CAMTA1: variants seen among roughly 807,000 people sequenced by gnomAD.
CAMTA1 encodes calmodulin-binding transcription activator 1.
CAMTA1 carries 27 observed loss-of-function variants against 170.9 expected under a neutral mutation model. The ratio of observed to expected loss-of-function variants is 0.16; its 90% CI spans 0.12 to 0.22. The LOEUF is 0.22. Among genes scored for constraint, CAMTA1 ranks in the 10% least tolerant of loss-of-function variants. The pLI is 1.00. For missense variants in CAMTA1, 1,619 were observed against 2,217.2 expected (o/e 0.73, Z 5.42); for synonymous variants, 833 against 891.5 (o/e 0.93, Z 1.17).
At chr1:7,433,870 T>C (rs1392820554) in intron 5 of CAMTA1, among the ~76,000 whole-genome samples, 4 of 152,042 alleles carry the variant, frequency 2.6e-5, no homozygotes, top group African/African-American at 9.7e-5. Context: ...GGGAGACTCA[T>C]GGGGCCAGGA....
intron 4 of CAMTA1, among the ~76,000 whole-genome samples, chr1:7,128,830 CCTT>C (rs1645080012): frequency 7.8e-6 from 1 of 128,998 alleles, no homozygotes; most frequent in Non-Finnish European, 1.6e-5. Flanking sequence ...AGCTCCCCCT[CCTT>C]TTTTTTTTTT....
At chr1:7,035,434 T>G (rs1703447487) in intron 3 of CAMTA1, among the ~76,000 whole-genome samples, 1 of 152,236 alleles carries the variant, frequency 6.6e-6, no homozygotes, top group Admixed American at 6.5e-5. Flanking sequence ...ATTGCTTCAT[T>G]AAGGAATTCT....
chr1:7,529,308 T>C (rs2094464797), intron 6 of CAMTA1, among the ~76,000 whole-genome samples: 1 of 151,932 alleles, frequency 6.6e-6, no homozygotes, highest in Non-Finnish European at 1.5e-5. Context: ...CTGCATGGCA[T>C]GGGCTGGGTC....
chr1:7,369,159 G>A (rs1156488129), intron 5 of CAMTA1: 1 of 152,266 alleles, frequency 6.6e-6, no homozygotes, highest in Non-Finnish European at 1.5e-5. Flanking sequence ...AGGGGGCCCA[G>A]GAGCAGAGGG....
intron 6 of CAMTA1, among the ~76,000 whole-genome samples, chr1:7,514,135 G>C (rs192416787): frequency 6.6e-6 from 1 of 152,216 alleles, no homozygotes; most frequent in African/African-American, 2.4e-5. Context: ...CAACATCCAA[G>C]GAAGAAGGAC....
intron 11 of CAMTA1, among the ~76,000 whole-genome samples, chr1:7,717,544 G>A (rs928391753): frequency 3.9e-5 from 6 of 152,086 alleles, no homozygotes; most frequent in South Asian, 2.1e-4. Flanking sequence ...CCAGGAGTTT[G>A]AGATTAGCCT....
At chr1:6,978,102 G>C (rs1388211880) in intron 3 of CAMTA1, among the ~76,000 whole-genome samples, 1 of 152,060 alleles carries the variant, frequency 6.6e-6, no homozygotes, top group African/African-American at 2.4e-5. Flanking sequence ...GCTGGAGATT[G>C]GCTAATGGGT....
At chr1:7,683,570 G>C (rs1283846778) in intron 11 of CAMTA1, among the ~76,000 whole-genome samples, 2 of 152,084 alleles carry the variant, frequency 1.3e-5, no homozygotes, top group East Asian at 3.9e-4. Context: ...CATCCACCTG[G>C]AGTGGGGACT....
chr1:7,206,922 GC>G (rs1657842619), intron 4 of CAMTA1, among the ~76,000 whole-genome samples: 2 of 152,234 alleles, frequency 1.3e-5, no homozygotes, highest in African/African-American at 4.8e-5. Context: ...TCCATGGATT[GC>G]ACACCCCACC....
intron 11 of CAMTA1, among the ~76,000 whole-genome samples, chr1:7,728,340 G>C: frequency 6.6e-6 from 1 of 152,276 alleles, no homozygotes; most frequent in East Asian, 1.9e-4. Flanking sequence ...GCACACTGCA[G>C]CACAAAGCCA....
At chr1:7,199,718 G>A (rs1392132052) in intron 4 of CAMTA1, among the ~76,000 whole-genome samples, 1 of 146,458 alleles carries the variant, frequency 6.8e-6, no homozygotes, top group African/African-American at 2.5e-5. Flanking sequence ...GTGCAGTCCT[G>A]CAGTTGGTGG....
At chr1:7,628,461 A>G (rs571216270) in intron 6 of CAMTA1, among the ~76,000 whole-genome samples, 6 of 152,346 alleles carry the variant, frequency 3.9e-5, no homozygotes, top group Non-Finnish European at 5.9e-5. Flanking sequence ...CAAAAGAGCT[A>G]GTGCACCAGA....
intron 3 of CAMTA1, among the ~76,000 whole-genome samples, chr1:7,035,328 A>G (rs12046887): frequency 0.14 from 20,570 of 152,054 alleles, 1,543 homozygotes; most frequent in East Asian, 0.24. Flanking sequence ...TGAACCTGGA[A>G]GGCAGAGGTT....
At chr1:7,587,750 C>T (rs1225215125) in intron 6 of CAMTA1, among the ~76,000 whole-genome samples, 2 of 152,056 alleles carry the variant, frequency 1.3e-5, no homozygotes, top group African/African-American at 4.8e-5. Context: ...AGGAACCTCT[C>T]CTCCTGCAAC....
chr1:7,206,769 A>G (rs187655169), intron 4 of CAMTA1, among the ~76,000 whole-genome samples: 23 of 152,356 alleles, frequency 1.5e-4, no homozygotes, highest in African/African-American at 5.5e-4. Flanking sequence ...CATTTTTACC[A>G]ACATTAGCTA....
At chr1:6,888,123 T>C in intron 3 of CAMTA1, 1 of 984,780 alleles carries the variant, frequency 1.0e-6, no homozygotes. Context: ...AGCAGGGCCT[T>C]TGTCTTGTCC....
chr1:6,875,517 C>T (rs758042014), intron 3 of CAMTA1, among the ~76,000 whole-genome samples: 4 of 152,076 alleles, frequency 2.6e-5, no homozygotes, highest in Non-Finnish European at 5.9e-5. Context: ...ACTTTCCTGA[C>T]CTCGTGATTT....
At chr1:7,181,981 A>C (rs1197082314) in intron 4 of CAMTA1, among the ~76,000 whole-genome samples, 1 of 151,936 alleles carries the variant, frequency 6.6e-6, no homozygotes, top group African/African-American at 2.4e-5. Context: ...TAATTAAAAC[A>C]GTATGGTGAA....
At chr1:7,687,316 C>CA (rs146832779) in intron 11 of CAMTA1, among the ~76,000 whole-genome samples, 8,771 of 151,066 alleles carry the variant, frequency 0.058, 387 homozygotes, top group Admixed American at 0.11. Flanking sequence ...GAAGGTGTTT[C>CA]AAAAAAAAGG....
Sources: gnomAD v4.1 joint callset for allele counts (sites outside exome capture counted in the v4.1 genomes callset) on GRCh38, gnomAD v4.1.1 for gene constraint, MANE v1.5 for transcripts, NCBI Gene and HGNC (gene_info 2026-07-23, HGNC 2026-07-21) for gene names.